ADNP2: variants seen among roughly 807,000 people sequenced by gnomAD.
ADNP2 encodes the protein activity-dependent neuroprotector homeobox protein 2.
Under a neutral mutation model 16.4 loss-of-function variants are expected in ADNP2, and 8 were observed. The observed-to-expected ratio is 0.49, with a 90% confidence interval of 0.29 to 0.88. The LOEUF (loss-of-function observed/expected upper bound fraction) is 0.88, where lower values mean the gene tolerates loss of function less well. Among genes scored for constraint, ADNP2 ranks in the 40% least tolerant of loss-of-function variants. The pLI, the probability that ADNP2 is intolerant of heterozygous loss-of-function variation, is 0.09. For synonymous variants in ADNP2, 637 were observed against 545.8 expected (o/e 1.17, Z -2.33); for missense variants, 1,397 against 1,395.1 (o/e 1.00, Z -0.02).
At position 80,133,172 on chromosome 18, in the gene ADNP2, G is replaced by A. The variant is rs1265379819; in HGVS notation, c.178G>A (p.Glu60Lys). ...NTSWGDVSLW[E>K]PSGKKVRYRT... is the part of the protein sequence containing the mutation. ...ATCATGGGGTGATGTTTCTCTCTGG[G>A]AACCTTCTGGAAAGAAAGTGGTATG... Residue 60 changes from glutamate (E) to lysine (K), a missense_variant, in exon 3 of 4, where the codon GAA (glutamate) becomes AAA (lysine). By Grantham distance (56) the Glu-to-Lys change is moderately conservative (BLOSUM62 1). Around this residue, in one of 3 missense-constraint regions of ADNP2, gnomAD observed 777 missense variants for 719.4 expected, o/e 1.08. Transcript: ENST00000262198. The A allele has an allele frequency of 1.2e-6, 2 of 1,613,224 alleles. No individual in the cohort carries two copies. Among genetic ancestry groups the A allele is most frequent in the Admixed American group, 1.7e-5 (1 of 60,008 alleles).
At position 80,137,250 on chromosome 18, in the gene ADNP2, C is replaced by G; in HGVS notation, c.1837C>G (p.Pro613Ala). 6.2e-7 allele frequency: 1 copy of G among 1,614,170 alleles called. No homozygotes were observed. Among genetic ancestry groups the G allele is most frequent in the Non-Finnish European group, 8.5e-7 (1 of 1,180,030 alleles). The part of the protein sequence containing the change: ...IPTGKQVNGI[P>A]TYTLAPVSVT... ...TACAGGGAAACAAGTGAATGGGATT[C>G]CAACCTACACGCTGGCCCCCGTGTC... Residue 613 changes from proline to alanine, a missense_variant, in exon 4 of 4, where the codon CCA (proline) becomes GCA (alanine). Pro to Ala is a conservative substitution (Grantham distance 27). Around this residue, in one of 3 missense-constraint regions of ADNP2, gnomAD observed 611 missense variants for 648.7 expected, o/e 0.94. Transcript: ENST00000262198. This position sits in a 1 kb window ranked among gnomAD's most constrained non-coding sequence, Gnocchi z 4.2.
At chr18:80,110,217 T>A (rs1204484638) in intron 1 of ADNP2, among the ~76,000 whole-genome samples, 2 of 152,270 alleles carry the variant, frequency 1.3e-5, no homozygotes, top group Non-Finnish European at 2.9e-5. Flanking sequence ...AGATTCCGTT[T>A]ACAAAATTTC....
At chr18:80,121,118 T>C (rs966195459) in intron 2 of ADNP2, among the ~76,000 whole-genome samples, 1 of 152,220 alleles carries the variant, frequency 6.6e-6, no homozygotes, top group Non-Finnish European at 1.5e-5. Flanking sequence ...GAATTAAATC[T>C]GTTCACATCA....
Position 80,133,146 on chromosome 18 carries a change from C to T in ADNP2, c.152C>T (p.Thr51Ile). 6.2e-7 allele frequency: 1 copy of T among 1,613,668 alleles called. No homozygotes were observed. Among genetic ancestry groups the T allele is most frequent in the Non-Finnish European group, 8.5e-7 (1 of 1,179,746 alleles). The change falls in exon 3 of 4, where the codon ACA (threonine) becomes ATA (isoleucine). Residue 51 changes from threonine to isoleucine, a missense_variant. Transcript: ENST00000262198. Reference protein sequence around the residue: ...FDPGEKYFHNTSWGDVSLWEP... With the variant: ...FDPGEKYFHNISWGDVSLWEP... ...CCAGGAGAGAAATACTTTCATAACA[C>T]ATCATGGGGTGATGTTTCTCTCTGG...
chr18:80,122,618 C>G (rs1479049101), intron 2 of ADNP2, among the ~76,000 whole-genome samples: 1 of 152,156 alleles, frequency 6.6e-6, no homozygotes, highest in Non-Finnish European at 1.5e-5. Context: ...ATTTCCTGTT[C>G]AGATTTTTCA....
intron 1 of ADNP2, chr18:80,109,827 G>C (rs1029489427): frequency 2.6e-5 from 4 of 152,706 alleles, no homozygotes; most frequent in Non-Finnish European, 4.4e-5. Flanking sequence ...GAGGGAGAGA[G>C]GGGGGCTGGT....
chr18:80,109,887 A>G (rs2052346244), intron 1 of ADNP2: 1 of 151,316 alleles, frequency 6.6e-6, no homozygotes, highest in Admixed American at 6.6e-5. Context: ...AGAAGAAGAG[A>G]GGGGGCAAGG....
intron 2 of ADNP2, among the ~76,000 whole-genome samples, chr18:80,121,212 C>T (rs935495617): frequency 1.3e-5 from 2 of 152,136 alleles, no homozygotes; most frequent in Non-Finnish European, 2.9e-5. Flanking sequence ...TCTTCCTTTT[C>T]CTTTCTCCCT....
intron 2 of ADNP2, among the ~76,000 whole-genome samples, chr18:80,123,886 T>C (rs2052441504): frequency 6.6e-6 from 1 of 151,942 alleles, no homozygotes; most frequent in Non-Finnish European, 1.5e-5. Flanking sequence ...TGCATCACCA[T>C]GCCCAGCTAA....
intron 2 of ADNP2, among the ~76,000 whole-genome samples, chr18:80,117,877 A>G (rs1211892022): frequency 6.6e-6 from 1 of 152,192 alleles, no homozygotes; most frequent in Admixed American, 6.5e-5. Context: ...ATTAGTTACT[A>G]AAAAATTGTT....
intron 2 of ADNP2, among the ~76,000 whole-genome samples, chr18:80,122,573 A>G (rs116546392): frequency 1.2e-3 from 184 of 152,332 alleles, no homozygotes; most frequent in African/African-American, 4.3e-3. Context: ...CAATAAACTC[A>G]TAGGTATTTT....
Position 80,133,119 on chromosome 18 carries a change from A to G in ADNP2, c.125A>G (p.Asp42Gly). The change falls in exon 3 of 4, where the codon GAT becomes GGT. Residue 42 changes from aspartate to glycine, a missense_variant. Physicochemically the swap from Asp to Gly is moderately conservative, Grantham distance 94. This residue lies in a region of ADNP2 where 777 missense variants were observed against 719.4 expected (regional missense o/e 1.08). Coordinates refer to ENST00000262198, the MANE Select transcript of ADNP2 (RefSeq NM_014913.4). Reference sequence around the variant, plus strand: ...TTTTAAAAGGACCTTAAAGGCTTTGATCCAGGAGAGAAATACTTTCATAAC... The same window carrying G: ...TTTTAAAAGGACCTTAAAGGCTTTGGTCCAGGAGAGAAATACTTTCATAAC... ...KELLKDLKGF[D>G]PGEKYFHNTS... The G allele has an allele frequency of 6.2e-7, 1 of 1,609,106 alleles. No homozygotes were observed. The highest frequency in any genetic ancestry group is 1.1e-5 in the South Asian group (1 of 89,706).
intron 2 of ADNP2, among the ~76,000 whole-genome samples, chr18:80,120,357 G>C (rs982399733): frequency 2.0e-5 from 3 of 150,488 alleles, no homozygotes; most frequent in Non-Finnish European, 4.4e-5. Context: ...TTTGAGACAG[G>C]GTCTCGCTCT....
chr18:80,118,433 A>G (rs1201162029), intron 2 of ADNP2, among the ~76,000 whole-genome samples: 2 of 100,368 alleles, frequency 2.0e-5, no homozygotes, highest in African/African-American at 3.2e-5. Context: ...CTCTGTCTCA[A>G]AAAAAAAAAA....
chr18:80,136,652 T>C lies in ADNP2; in HGVS notation c.1239T>C (p.Pro413=). The C allele has an allele frequency of 6.2e-7, 1 of 1,613,862 alleles. No individual in the cohort carries two copies. The highest frequency in any genetic ancestry group is 8.5e-7 in the Non-Finnish European group (1 of 1,179,800). ...AGCCTGTGGGACCCATAAACAGACC[T>C]GTTGGGCCTGGTGTTCTTCCTGTGA... ...LTQPVGPINR[P]VGPGVLPVSP... is the part of the protein sequence containing the mutation. The change falls in exon 4 of 4, where the codon CCT becomes CCC. Residue 413 remains proline (P), a synonymous_variant. Transcript: ENST00000262198.
rs186784069 is a variant in ADNP2, at chr18:80,113,679, C to T, written c.-13-3851C>T. Reference sequence around the variant, plus strand: ...GTACTGTGCTCTGTGATGGGACCCTCTCAAGCAAATATAACATGATTTCTG... The same window carrying T: ...GTACTGTGCTCTGTGATGGGACCCTTTCAAGCAAATATAACATGATTTCTG... On this transcript the variant is annotated intron_variant, in intron 1 of 3. Transcript: ENST00000262198. 3.9e-5 allele frequency among the ~76,000 whole-genome samples: 6 copies of T among 152,228 alleles called. No homozygotes were observed. The East Asian group carries it at 1.2e-3, about 29-fold the overall frequency.
intron 3 of ADNP2, among the ~76,000 whole-genome samples, chr18:80,134,303 G>A (rs893956404): frequency 2.0e-5 from 3 of 152,212 alleles, no homozygotes; most frequent in African/African-American, 7.2e-5. Context: ...AGGTTGCAGT[G>A]AGCTGAGATC....
chr18:80,137,843 A>C lies in ADNP2; in HGVS notation c.2430A>C (p.Leu810Phe), dbSNP rs1449268726. Residue 810 changes from leucine (L) to phenylalanine (F), a missense_variant, in exon 4 of 4, where the codon TTA becomes TTC. Physicochemically the swap from Leu to Phe is conservative, Grantham distance 22 (BLOSUM62 0). This residue lies in a region of ADNP2 where 611 missense variants were observed against 648.7 expected (regional missense o/e 0.94). Transcript: ENST00000262198. The surrounding 1 kb of genome is among the most constrained non-coding windows in gnomAD (Gnocchi z 4.2). ...PMDYSNRGFQ[L>F]DVDANGNLLF... ...ATTATAGCAACAGAGGTTTTCAATT[A>C]GATGTCGATGCCAATGGCAACCTGC... 2 of 1,614,124 alleles carry C rather than the reference A, an allele frequency of 1.2e-6. No homozygotes were observed. The highest frequency in any genetic ancestry group is 1.1e-5 in the South Asian group (1 of 91,078).
In ADNP2 at chr18:80,137,313, G is replaced by T; in HGVS notation, c.1900G>T (p.Val634Phe). 1.2e-6 allele frequency: 2 copies of T among 1,613,952 alleles called. No individual in the cohort carries two copies. The highest frequency in any genetic ancestry group is 1.7e-6 in the Non-Finnish European group (2 of 1,179,908). The change falls in exon 4 of 4, where the codon GTC (valine) becomes TTC (phenylalanine). Residue 634 changes from valine to phenylalanine, a missense_variant. Around this residue, in one of 3 missense-constraint regions of ADNP2, gnomAD observed 611 missense variants for 648.7 expected, o/e 0.94. Coordinates refer to ENST00000262198, the MANE Select transcript of ADNP2 (RefSeq NM_014913.4). This position sits in a 1 kb window ranked among gnomAD's most constrained non-coding sequence, Gnocchi z 4.2. ...GGTTCCCCCTGGAGGCCTTGCGACT[G>T]TCGCTCCGCCCCAGATGCCCATCCA... Reference protein sequence around the residue: ...LPVPPGGLATVAPPQMPIQLL... With the variant: ...LPVPPGGLATFAPPQMPIQLL...
Sources: gnomAD v4.1 joint callset for allele counts (sites outside exome capture counted in the v4.1 genomes callset) on GRCh38, gnomAD v4.1.1 for gene constraint, gnomAD v4.1.1 regional missense constraint, Gnocchi (gnomAD v3.1) non-coding constraint, MANE v1.5 for transcripts, NCBI Gene and HGNC (gene_info 2026-07-23, HGNC 2026-07-21) for gene names.